ULK4: variants seen among roughly 807,000 people sequenced by gnomAD.
The protein encoded by ULK4 is unc-51 like kinase 4, also known as inactive serine/threonine-protein kinase ULK4.
A neutral mutation model predicts 160.6 loss-of-function variants in ULK4; 133 were observed. The observed-to-expected ratio is 0.83, with a 90% CI of 0.72 to 0.96. The LOEUF is 0.96. ULK4 is among the 40% of genes least tolerant of loss of function. The pLI is 0.00. For synonymous variants in ULK4, 534 were observed against 539.8 expected (o/e 0.99, Z 0.15); for missense variants, 1,580 against 1,499.5 (o/e 1.05, Z -0.89).
chr3:41,410,067 G>A (rs972006348), intron 34 of ULK4, among the ~76,000 whole-genome samples: 3 of 152,144 alleles, frequency 2.0e-5, no homozygotes, highest in Admixed American at 2.0e-4. Flanking sequence ...AGTATGTGGA[G>A]AAACTGAAAC....
intron 32 of ULK4, among the ~76,000 whole-genome samples, chr3:41,531,279 A>C (rs1053460512): frequency 2.5e-4 from 37 of 150,964 alleles, no homozygotes; most frequent in African/African-American, 9.0e-4. Context: ...GTCTCTACTA[A>C]AAATACAAAA....
chr3:41,274,297 G>T (rs1173468703), intron 35 of ULK4, among the ~76,000 whole-genome samples: 2 of 152,134 alleles, frequency 1.3e-5, no homozygotes, highest in Non-Finnish European at 2.9e-5. Flanking sequence ...AATTCTCATG[G>T]TTGGATACCT....
chr3:41,955,413 T>TC lies in ULK4; in HGVS notation c.-48-607dup, dbSNP rs200321548. The TC allele has an allele frequency of 7.4e-3, 1,128 of 152,394 alleles. 15 individuals are homozygous for TC. Among genetic ancestry groups the TC allele is most frequent in the African/African-American group, 0.026 (1,084 of 41,568 alleles). The allele number at this position is 152,394 out of a possible 1,614,324, so 9.4% of individuals were successfully genotyped here. On this transcript the variant is annotated intron_variant, in intron 1 of 36. Transcript: ENST00000301831. ...CCCAGCATTCCGTGCGGTCGGCCCT[T>TC]CAGCCGCTGCCGCCATTGGAGACCA...
At chr3:41,668,048 T>G (rs1181271353) in intron 29 of ULK4, among the ~76,000 whole-genome samples, 1 of 152,186 alleles carries the variant, frequency 6.6e-6, no homozygotes, top group African/African-American at 2.4e-5. Flanking sequence ...CTGAGGTATG[T>G]GATGAAACAA....
intron 31 of ULK4, among the ~76,000 whole-genome samples, chr3:41,574,985 G>A (rs142931480): frequency 9.8e-4 from 150 of 152,286 alleles, no homozygotes; most frequent in African/African-American, 3.5e-3. Flanking sequence ...TCTGTCCACA[G>A]CCCTGGTTGG....
intron 33 of ULK4, among the ~76,000 whole-genome samples, chr3:41,457,597 C>A (rs2083584810): frequency 6.6e-6 from 1 of 152,156 alleles, no homozygotes; most frequent in African/African-American, 2.4e-5. Context: ...ACACTGAAGC[C>A]CCCAGAATCA....
At chr3:41,288,987 A>G (rs1038735125) in intron 35 of ULK4, among the ~76,000 whole-genome samples, 7 of 152,190 alleles carry the variant, frequency 4.6e-5, no homozygotes, top group African/African-American at 1.7e-4. Context: ...TAGGGGCTCC[A>G]CAGCTCGGAG....
At chr3:41,252,039 G>A (rs2078752137) in intron 35 of ULK4, among the ~76,000 whole-genome samples, 1 of 152,120 alleles carries the variant, frequency 6.6e-6, no homozygotes, top group South Asian at 2.1e-4. Context: ...TGACCCCTGG[G>A]GAGGGACACA....
At chr3:41,741,168 G>A (rs2125880210) in intron 22 of ULK4, among the ~76,000 whole-genome samples, 1 of 151,594 alleles carries the variant, frequency 6.6e-6, no homozygotes, top group African/African-American at 2.4e-5. Flanking sequence ...TTAATTATAG[G>A]AGTGAAACAT....
intron 32 of ULK4, among the ~76,000 whole-genome samples, chr3:41,543,028 G>T (rs2086747204): frequency 6.6e-6 from 1 of 152,048 alleles, no homozygotes; most frequent in South Asian, 2.1e-4. Context: ...AGAGCATAAA[G>T]AACAGCCACA....
At chr3:41,463,329 C>T (rs1357961283) in intron 32 of ULK4, 76 bp from the exon 33 acceptor site, 3 of 1,418,730 alleles carry the variant, frequency 2.1e-6, no homozygotes, top group Non-Finnish European at 2.9e-6. Flanking sequence ...AAAAGAGAGG[C>T]ATTCTGGCTC....
At chr3:41,567,487 C>T (rs999599810) in intron 31 of ULK4, among the ~76,000 whole-genome samples, 4 of 126,142 alleles carry the variant, frequency 3.2e-5, no homozygotes, top group Admixed American at 2.1e-4. Context: ...CTCGCTCTGT[C>T]GCCAGGCTGG....
chr3:41,247,217 A>G (rs2078662312), intron 36 of ULK4, among the ~76,000 whole-genome samples: 1 of 152,042 alleles, frequency 6.6e-6, no homozygotes, highest in African/African-American at 2.4e-5. Context: ...CCCAGCCACC[A>G]CTCACTATCT....
chr3:41,683,721 T>C (rs2036000523), intron 27 of ULK4, among the ~76,000 whole-genome samples: 1 of 152,012 alleles, frequency 6.6e-6, no homozygotes, highest in African/African-American at 2.4e-5. Flanking sequence ...TAGACACCCA[T>C]GTGGCACTGG....
At chr3:41,492,233 T>C (rs534202100) in intron 32 of ULK4, among the ~76,000 whole-genome samples, 21 of 152,282 alleles carry the variant, frequency 1.4e-4, no homozygotes, top group African/African-American at 4.8e-4. Flanking sequence ...TTATAGTCCT[T>C]TGGGTATATA....
chr3:41,601,879 A>G (rs1429470281), intron 31 of ULK4, among the ~76,000 whole-genome samples: 1 of 152,092 alleles, frequency 6.6e-6, no homozygotes, highest in Non-Finnish European at 1.5e-5. Context: ...TTGGAATACA[A>G]AACAAAATAC....
At chr3:41,775,356 T>A (rs992876129) in intron 21 of ULK4, among the ~76,000 whole-genome samples, 1 of 150,246 alleles carries the variant, frequency 6.7e-6, no homozygotes, top group African/African-American at 2.5e-5. Context: ...CATATCCACA[T>A]GCTAATGAAT....
At chr3:41,852,709 T>TG (rs988436991) in intron 17 of ULK4, among the ~76,000 whole-genome samples, 7 of 152,076 alleles carry the variant, frequency 4.6e-5, no homozygotes, top group African/African-American at 1.7e-4. Context: ...CCCAGGTGGA[T>TG]GGGGGGAGAT....
At chr3:41,725,910 A>G (rs2037631789) in intron 22 of ULK4, among the ~76,000 whole-genome samples, 1 of 152,214 alleles carries the variant, frequency 6.6e-6, no homozygotes, top group Non-Finnish European at 1.5e-5. Context: ...GAGATGATTC[A>G]AAAATGAGCT....
Sources: gnomAD v4.1 joint callset for allele counts (sites outside exome capture counted in the v4.1 genomes callset) on GRCh38, gnomAD v4.1.1 for gene constraint, MANE v1.5 for transcripts, NCBI Gene and HGNC (gene_info 2026-07-23, HGNC 2026-07-21) for gene names.